Variants in LARGE1 observed in about 807,000 individuals in gnomAD.
LARGE1 encodes xylosyl- and glucuronyltransferase LARGE1.
In LARGE1, 43 loss-of-function variants were observed where a neutral mutation model predicts 87.6. The observed-to-expected ratio is 0.49, with a 90% CI of 0.38 to 0.63. The LOEUF is 0.63. Among genes scored for constraint, LARGE1 ranks in the 30% least tolerant of loss-of-function variants. The probability of loss-of-function intolerance (pLI) is 0.00; values close to 1 mark genes in which losing one functional copy is unlikely to be tolerated. For synonymous variants in LARGE1, 434 were observed against 394.6 expected, an observed-to-expected ratio of 1.10 and a Z score of -1.18; for missense variants, 802 against 1,000.2, an observed-to-expected ratio of 0.80 and a Z score of 2.67.
intron 2 of LARGE1, among the ~76,000 whole-genome samples, chr22:33,708,568 A>G (rs1477367272): frequency 6.6e-6 from 1 of 152,136 alleles, no homozygotes; most frequent in Non-Finnish European, 1.5e-5. Flanking sequence ...GGAGGTTGGA[A>G]GTCTGATATC....
At chr22:33,618,063 T>G (rs929846176) in intron 4 of LARGE1, among the ~76,000 whole-genome samples, 4 of 152,148 alleles carry the variant, frequency 2.6e-5, no homozygotes, top group Admixed American at 6.6e-5. Flanking sequence ...ATGGCAAACT[T>G]AGGAAAAGAA....
intron 2 of LARGE1, among the ~76,000 whole-genome samples, chr22:33,707,986 C>T (rs148248622): frequency 3.3e-5 from 5 of 152,014 alleles, no homozygotes; most frequent in East Asian, 1.9e-4. Flanking sequence ...CAGGATGGAA[C>T]GAGCCAGGGC....
intron 9 of LARGE1, among the ~76,000 whole-genome samples, chr22:33,375,497 A>G (rs76549298): frequency 0.22 from 33,080 of 151,988 alleles, 4,885 homozygotes; most frequent in African/African-American, 0.41. Context: ...AAAATAAAAA[A>G]AAAATTAACT....
At chr22:33,522,204 G>C (rs1018663185) in intron 6 of LARGE1, among the ~76,000 whole-genome samples, 1 of 152,166 alleles carries the variant, frequency 6.6e-6, no homozygotes, top group Non-Finnish European at 1.5e-5. Context: ...CAAGCCCTTA[G>C]CTGCTGAGCT....
At chr22:33,287,454 T>TC (rs1458871955) in intron 12 of LARGE1, among the ~76,000 whole-genome samples, 1 of 152,222 alleles carries the variant, frequency 6.6e-6, no homozygotes, top group Non-Finnish European at 1.5e-5. Flanking sequence ...ACCAGATAGA[T>TC]CTATTTCAGA....
chr22:33,070,092 G>A, the LARGE1 span, among the ~76,000 whole-genome samples: 4 of 152,284 alleles, frequency 2.6e-5, no homozygotes, highest in South Asian at 6.2e-4. Context: ...AAAGTGCTGG[G>A]ATTACAAGCA....
the LARGE1 span, among the ~76,000 whole-genome samples, chr22:33,150,567 A>G: frequency 6.6e-6 from 1 of 152,246 alleles, no homozygotes; most frequent in Non-Finnish European, 1.5e-5. Context: ...AGACATGGTC[A>G]TCATTAGGAG....
the LARGE1 span, among the ~76,000 whole-genome samples, chr22:33,073,269 T>C: frequency 6.6e-6 from 1 of 152,194 alleles, no homozygotes; most frequent in East Asian, 1.9e-4. Context: ...TTTAGTACAA[T>C]AAAGGGTCTT....
intron 5 of LARGE1, among the ~76,000 whole-genome samples, chr22:33,598,076 G>GC (rs1294021381): frequency 1.3e-5 from 2 of 152,106 alleles, no homozygotes; most frequent in African/African-American, 2.4e-5. Flanking sequence ...GAAGGAACCT[G>GC]CCCCCATCAA....
At chr22:33,446,849 C>T (rs1169797349) in intron 6 of LARGE1, among the ~76,000 whole-genome samples, 1 of 152,170 alleles carries the variant, frequency 6.6e-6, no homozygotes, top group Admixed American at 6.5e-5. Context: ...TTGAGTGACA[C>T]GGCAGTGTTG....
intron 12 of LARGE1, among the ~76,000 whole-genome samples, chr22:33,293,748 T>C (rs897781830): frequency 3.9e-5 from 6 of 152,184 alleles, no homozygotes; most frequent in Non-Finnish European, 7.3e-5. Context: ...CAAAGAGTAT[T>C]ATGAGATTGG....
At chr22:33,788,187 T>G (rs1027182979) in intron 1 of LARGE1, among the ~76,000 whole-genome samples, 1 of 152,188 alleles carries the variant, frequency 6.6e-6, no homozygotes, top group Non-Finnish European at 1.5e-5. Context: ...TTCCCCATAC[T>G]GTGCTCGTGG....
At chr22:33,780,700 G>A (rs2085391801) in intron 1 of LARGE1, among the ~76,000 whole-genome samples, 1 of 152,210 alleles carries the variant, frequency 6.6e-6, no homozygotes, top group Non-Finnish European at 1.5e-5. Context: ...AAACCCATCA[G>A]GAGACATAAA....
chr22:33,329,768 C>T (rs937598671), intron 10 of LARGE1, among the ~76,000 whole-genome samples: 21 of 152,078 alleles, frequency 1.4e-4, no homozygotes, highest in African/African-American at 5.1e-4. Context: ...GGTTAAAACC[C>T]ATCTATTTTA....
Position 33,471,390 on chromosome 22 carries a change from C to T in LARGE1, c.788-39125G>A, listed in dbSNP as rs76604498. ...GATATTGATTCTGGAAAGCCCCGAA[C>T]AACCCCACAAAGTACAAAAACAACT... On this transcript the variant is annotated intron_variant, in intron 6 of 14. Transcript: ENST00000397394. Among the ~76,000 whole-genome samples the T allele has an allele frequency of 1.1e-3, 169 of 152,168 alleles. 1 individual carries two copies. Among genetic ancestry groups the T allele is most frequent in the Middle Eastern group, 6.8e-3 (2 of 294 alleles).
chr22:33,919,646 G>C (rs1051280070), intron 1 of LARGE1, among the ~76,000 whole-genome samples: 4 of 152,254 alleles, frequency 2.6e-5, no homozygotes, highest in Middle Eastern at 3.2e-3. Flanking sequence ...CTCCAAACAC[G>C]GCAGGCTCCG....
intron 11 of LARGE1, among the ~76,000 whole-genome samples, chr22:33,215,536 A>G (rs1925161412): frequency 6.6e-6 from 1 of 152,168 alleles, no homozygotes; most frequent in Non-Finnish European, 1.5e-5. Flanking sequence ...CCACTTTTCA[A>G]TGGTGTCCCT....
chr22:33,647,322 G>C (rs192512552), intron 3 of LARGE1, among the ~76,000 whole-genome samples: 1 of 152,330 alleles, frequency 6.6e-6, no homozygotes, highest in Admixed American at 6.5e-5. Context: ...TTGGACCTAG[G>C]TGGCAGCTAA....
At chr22:33,508,666 T>G (rs1434866331) in intron 6 of LARGE1, among the ~76,000 whole-genome samples, 1 of 152,228 alleles carries the variant, frequency 6.6e-6, no homozygotes, top group Non-Finnish European at 1.5e-5. Flanking sequence ...ATCAGAATTA[T>G]GCAGGTGTAT....
Sources: gnomAD v4.1 joint callset for allele counts (sites outside exome capture counted in the v4.1 genomes callset) on GRCh38, gnomAD v4.1.1 for gene constraint, MANE v1.5 for transcripts, NCBI Gene and HGNC (gene_info 2026-07-23, HGNC 2026-07-21) for gene names.